WTAP: variants seen among roughly 807,000 people sequenced by gnomAD.
WTAP encodes the protein pre-mRNA-splicing regulator WTAP.
In WTAP, 8 loss-of-function variants were observed where a neutral mutation model predicts 50.0. The ratio of observed to expected loss-of-function variants is 0.16; its 90% CI spans 0.09 to 0.29. The LOEUF is 0.29. Among genes scored for constraint, WTAP ranks in the 10% least tolerant of loss-of-function variants. The pLI is 1.00. For synonymous variants in WTAP, 194 were observed against 169.0 expected (o/e 1.15, Z -1.15); for missense variants, 295 against 470.7 (o/e 0.63, Z 3.45).
At chr6:159,730,692 T>C (rs1778511781) in intron 1 of WTAP, among the ~76,000 whole-genome samples, 1 of 152,240 alleles carries the variant, frequency 6.6e-6, no homozygotes, top group Non-Finnish European at 1.5e-5. Flanking sequence ...TTCTAAATAC[T>C]GAGGCTCTGA....
intron 2 of WTAP, among the ~76,000 whole-genome samples, chr6:159,737,082 CTCTTG>C (rs1352162098): frequency 6.6e-6 from 1 of 152,196 alleles, no homozygotes. Flanking sequence ...GGGTCTTGCT[CTCTTG>C]CCCAGGTTGG....
intron 3 of WTAP, 126 bp downstream of exon 3, chr6:159,739,171 C>A: frequency 1.4e-6 from 1 of 738,648 alleles, no homozygotes; most frequent in Non-Finnish European, 2.1e-6. Flanking sequence ...ATTTAATGTA[C>A]TTTTTGAGCA....
upstream of WTAP, chr6:159,726,941 C>G: frequency 1.6e-6 from 2 of 1,288,326 alleles, no homozygotes; most frequent in Non-Finnish European, 2.0e-6. Flanking sequence ...CACGCGGAAG[C>G]ATCACGGATG....
intron 1 of WTAP, among the ~76,000 whole-genome samples, chr6:159,733,029 T>C (rs1778684467): frequency 6.6e-6 from 1 of 151,966 alleles, no homozygotes; most frequent in African/African-American, 2.4e-5. Flanking sequence ...AAAATAGAAG[T>C]AGTTAGACAT....
At chr6:159,728,615 A>G (rs1388581236) in intron 1 of WTAP, among the ~76,000 whole-genome samples, 2 of 152,268 alleles carry the variant, frequency 1.3e-5, no homozygotes, top group African/African-American at 4.8e-5. Flanking sequence ...TAAGTTTTCT[A>G]CGATAGATAA....
intron 1 of WTAP, among the ~76,000 whole-genome samples, chr6:159,735,005 A>G (rs997768170): frequency 1.3e-5 from 2 of 152,222 alleles, no homozygotes; most frequent in Non-Finnish European, 2.9e-5. Flanking sequence ...ACTTGAATTC[A>G]TTAACCTATC....
rs1024312407 is a variant in WTAP at position 159,738,849 on chromosome 6, G to C, written c.31-141G>C. On this transcript the variant is annotated intron_variant, in intron 2 of 7. Transcript: ENST00000621533. ...TTTACCTTAAAAAAAAAAAACTTTT[G>C]TAATAAAATACTTTTTCAAAAAATC... 13 of 479,930 alleles carry C rather than the reference G, an allele frequency of 2.7e-5. No individual in the cohort carries two copies. In the Admixed American group the frequency reaches 3.9e-4, roughly 14 times the overall value. The allele number at this position is 479,930 out of a possible 1,614,324, so 29.7% of individuals were successfully genotyped here. A position where few individuals can be genotyped will look rare whatever the true frequency, so the allele number is the denominator to read the frequency against.
chr6:159,739,403 C>A (rs555417362), intron 3 of WTAP, among the ~76,000 whole-genome samples: 1 of 152,230 alleles, frequency 6.6e-6, no homozygotes, highest in Admixed American at 6.5e-5. Flanking sequence ...ATTAGTGTGA[C>A]CTTCACCAGC....
At chr6:159,752,552 G>A (rs1779860159) in intron 6 of WTAP, among the ~76,000 whole-genome samples, 2 of 152,160 alleles carry the variant, frequency 1.3e-5, no homozygotes, top group Admixed American at 1.3e-4. Context: ...TGGAAAGTGT[G>A]ACACTCCTAG....
intron 1 of WTAP, among the ~76,000 whole-genome samples, chr6:159,731,630 CTG>C (rs1400299890): frequency 6.6e-6 from 1 of 152,164 alleles, no homozygotes; most frequent in Non-Finnish European, 1.5e-5. Flanking sequence ...TCAAGAAACA[CTG>C]AGTCTGTGTT....
chr6:159,739,583 A>G (rs1779120074), intron 3 of WTAP, among the ~76,000 whole-genome samples: 1 of 152,246 alleles, frequency 6.6e-6, no homozygotes, highest in Non-Finnish European at 1.5e-5. Context: ...GTAAGAAATC[A>G]GGAAGTAGGA....
chr6:159,733,689 A>G (rs1421913932), intron 1 of WTAP, among the ~76,000 whole-genome samples: 4 of 151,814 alleles, frequency 2.6e-5, no homozygotes, highest in Non-Finnish European at 5.9e-5. Flanking sequence ...TGAGGTGGGC[A>G]GATCACCTGA....
At chr6:159,733,891 G>A (rs1778743768) in intron 1 of WTAP, among the ~76,000 whole-genome samples, 2 of 152,078 alleles carry the variant, frequency 1.3e-5, no homozygotes, top group Non-Finnish European at 2.9e-5. Context: ...ACTCCACCCC[G>A]GGCAACAAGA....
At chr6:159,732,336 T>A (rs77503980) in intron 1 of WTAP, among the ~76,000 whole-genome samples, 2,454 of 152,240 alleles carry the variant, frequency 0.016, 76 homozygotes, top group African/African-American at 0.056. Context: ...AGTAACTAGA[T>A]AAAAGGTATA....
At chr6:159,734,526 C>G (rs530680067) in intron 1 of WTAP, among the ~76,000 whole-genome samples, 272 of 152,050 alleles carry the variant, frequency 1.8e-3, no homozygotes, top group Non-Finnish European at 3.0e-3. Flanking sequence ...GAAATAATAA[C>G]TAGGGCTGGG....
chr6:159,737,029 G>A (rs1778964805), intron 2 of WTAP, among the ~76,000 whole-genome samples: 1 of 152,182 alleles, frequency 6.6e-6, no homozygotes, highest in African/African-American at 2.4e-5. Context: ...GAGAATTACT[G>A]TGTGCTCCCT....
intron 2 of WTAP, among the ~76,000 whole-genome samples, chr6:159,737,151 G>A (rs1013279974): frequency 8.6e-5 from 13 of 152,036 alleles, no homozygotes; most frequent in African/African-American, 3.1e-4. Context: ...GGGCTCAAGC[G>A]ATCATCCCAC....
rs946224165 is a variant in WTAP, at chr6:159,727,572, A to G, written c.-140A>G. ...AGGGGAGCGCAGGGGTTGCGGCGGG[A>G]CTAGGAGCGCGGCGGGGCCGGCGGC... On this transcript the variant is annotated 5_prime_UTR_variant, in exon 1 of 8. Coordinates refer to ENST00000621533, the MANE Select transcript of WTAP (RefSeq NM_001270531.2). The G allele has an allele frequency of 1.0e-6, 1 of 986,282 alleles. No individual in the cohort carries two copies. The highest frequency in any genetic ancestry group is 1.8e-5 in the African/African-American group (1 of 56,848). 61.1% of individuals were successfully genotyped at this position (986,282 alleles called of 1,614,324 possible). A position where few individuals can be genotyped will look rare whatever the true frequency, so the allele number is the denominator to read the frequency against.
chr6:159,743,335 CTG>C (rs1162886943), intron 4 of WTAP, among the ~76,000 whole-genome samples: 1 of 152,254 alleles, frequency 6.6e-6, no homozygotes, highest in Non-Finnish European at 1.5e-5. Context: ...GCGTGAGCCT[CTG>C]TGCCCAGACA....
Sources: allele counts gnomAD v4.1 joint callset (sites outside exome capture counted in the v4.1 genomes callset), GRCh38; gene constraint gnomAD v4.1.1; transcripts MANE v1.5; gene names NCBI Gene and HGNC (gene_info 2026-07-23, HGNC 2026-07-21).